Variants in FBXL13 observed in about 807,000 individuals in gnomAD.
FBXL13 encodes the protein F-box and leucine rich repeat protein 13.
Under a neutral mutation model 83.6 loss-of-function variants are expected in FBXL13, and 67 were observed. That is an observed-to-expected ratio of 0.80 (90% CI 0.66 to 0.98). FBXL13 has a LOEUF of 0.98. Ranked by LOEUF, FBXL13 falls within the 50% of genes least tolerant of loss-of-function variation. FBXL13 has a pLI of 0.00. For synonymous variants in FBXL13, 272 were observed against 299.5 expected (o/e 0.91, Z 0.95); for missense variants, 822 against 866.5 (o/e 0.95, Z 0.64).
At chr7:103,001,330 GC>G (rs1790383117) in intron 6 of FBXL13, among the ~76,000 whole-genome samples, 1 of 152,020 alleles carries the variant, frequency 6.6e-6, no homozygotes, top group Non-Finnish European at 1.5e-5. Context: ...TTTCTTGTAG[GC>G]AGTATATATC....
chr7:102,978,832 A>C (rs1173226683), intron 6 of FBXL13, among the ~76,000 whole-genome samples: 1 of 152,214 alleles, frequency 6.6e-6, no homozygotes, highest in Non-Finnish European at 1.5e-5. Flanking sequence ...AGCAATCCTA[A>C]CTATGCAAGC....
At chr7:102,913,090 G>A in exon 11 of FBXL13, 1 of 1,614,128 alleles carries the variant, frequency 6.2e-7, no homozygotes. Flanking sequence ...ACAAACCTGG[G>A]TGCAGCCAGA....
chr7:103,056,958 CTTT>C (rs1797398792), intron 1 of FBXL13, among the ~76,000 whole-genome samples: 1 of 151,800 alleles, frequency 6.6e-6, no homozygotes, highest in African/African-American at 2.4e-5. Context: ...TGTATATCTT[CTTT>C]TGAGGACTGT....
chr7:102,964,759 ATT>A (rs1825799007), intron 7 of FBXL13, among the ~76,000 whole-genome samples: 1 of 152,170 alleles, frequency 6.6e-6, no homozygotes, highest in Admixed American at 6.5e-5. Flanking sequence ...ACTTCTAAGA[ATT>A]TATTCTGCCG....
At chr7:102,979,715 G>A (rs1454888764) in intron 6 of FBXL13, among the ~76,000 whole-genome samples, 3 of 152,150 alleles carry the variant, frequency 2.0e-5, no homozygotes, top group Admixed American at 1.3e-4. Flanking sequence ...TTGCATGCCT[G>A]AAATATTTTA....
intron 1 of FBXL13, among the ~76,000 whole-genome samples, chr7:103,060,061 T>TATATACACATATATATATATACAC (rs1563286669): frequency 7.6e-4 from 91 of 119,120 alleles, no homozygotes; most frequent in African/African-American, 2.5e-3. Context: ...TATATATATA[T>TATATACACATATATATATATACAC]ATACTTTTTT....
chr7:102,939,539 G>A, intron 8 of FBXL13: 2 of 1,613,990 alleles, frequency 1.2e-6, no homozygotes, highest in East Asian at 4.5e-5. Flanking sequence ...TTCATGAGCT[G>A]AAGAAATTAA....
At chr7:102,996,702 A>G (rs930904352) in intron 6 of FBXL13, among the ~76,000 whole-genome samples, 1 of 152,220 alleles carries the variant, frequency 6.6e-6, no homozygotes, top group South Asian at 2.1e-4. Flanking sequence ...AAACAAATCA[A>G]CAAACATCTT....
intron 17 of FBXL13, among the ~76,000 whole-genome samples, chr7:102,851,309 G>A (rs1805178338): frequency 6.6e-6 from 1 of 151,998 alleles, no homozygotes; most frequent in Non-Finnish European, 1.5e-5. Flanking sequence ...AAAACTTCTG[G>A]GAAAGTCTAC....
At chr7:103,026,747 G>GT (rs1204588372) in intron 5 of FBXL13, among the ~76,000 whole-genome samples, 1 of 152,160 alleles carries the variant, frequency 6.6e-6, no homozygotes, top group Non-Finnish European at 1.5e-5. Context: ...ATTTAGGTGA[G>GT]TAGAGGCATT....
exon 8 of FBXL13, chr7:102,963,539 A>G: frequency 6.2e-7 from 1 of 1,611,398 alleles, no homozygotes; most frequent in Non-Finnish European, 8.5e-7. Flanking sequence ...TTACTGACAG[A>G]TCTGAAAGTT....
At chr7:103,072,540 C>T (rs10241815) in intron 1 of FBXL13, among the ~76,000 whole-genome samples, 1,901 of 152,176 alleles carry the variant, frequency 0.012, 41 homozygotes, top group African/African-American at 0.044. Flanking sequence ...TAGTAACTGG[C>T]GGCCTAGATG....
At chr7:102,941,303 G>T (rs912699994) in intron 8 of FBXL13, among the ~76,000 whole-genome samples, 13 of 152,136 alleles carry the variant, frequency 8.5e-5, no homozygotes, top group African/African-American at 2.9e-4. Context: ...TGTCCACAAA[G>T]CCAGGGTACA....
chr7:102,972,844 TC>T lies in FBXL13; in HGVS notation c.496-4728del, dbSNP rs1276174376. 5.3e-5 allele frequency among the ~76,000 whole-genome samples: 8 copies of T among 152,152 alleles called. No homozygotes were observed. The East Asian group carries it at 1.5e-3, about 29-fold the overall frequency. ...TGGTTAGAAGACAAAAATTTTTTAT[TC>T]CTAAAAATGCTTTTTGCTTTAATGT... is the stretch of plus-strand genomic sequence containing the variant. On this transcript the variant is annotated intron_variant, in intron 6 of 19. Transcript: ENST00000313221.
chr7:103,059,112 T>C (rs1038355073), intron 1 of FBXL13, among the ~76,000 whole-genome samples: 2 of 152,032 alleles, frequency 1.3e-5, no homozygotes, highest in African/African-American at 4.8e-5. Flanking sequence ...ACAAAAATTG[T>C]TTTAAAAATT....
At chr7:103,023,930 C>T (rs1163063341) in intron 6 of FBXL13, among the ~76,000 whole-genome samples, 1 of 151,968 alleles carries the variant, frequency 6.6e-6, no homozygotes, top group Non-Finnish European at 1.5e-5. Context: ...CTTCTGAGTA[C>T]ATATGGACAC....
chr7:102,829,500 C>G (rs1800283961), intron 18 of FBXL13, among the ~76,000 whole-genome samples: 1 of 152,156 alleles, frequency 6.6e-6, no homozygotes, highest in Admixed American at 6.5e-5. Flanking sequence ...TTTCCCACCC[C>G]CTTTTCTTTC....
intron 2 of FBXL13, among the ~76,000 whole-genome samples, chr7:103,029,932 A>G (rs1325568544): frequency 2.0e-5 from 3 of 152,178 alleles, no homozygotes; most frequent in Non-Finnish European, 2.9e-5. Flanking sequence ...ATCACTTACA[A>G]CTATTCACAA....
At chr7:103,055,810 C>T (rs545106570) in intron 1 of FBXL13, 63 bp from the exon 2 acceptor site, 24 of 675,564 alleles carry the variant, frequency 3.6e-5, no homozygotes, top group East Asian at 1.5e-4. Flanking sequence ...CTAAGCAGCA[C>T]GTAACTTTTT....
Sources: allele counts gnomAD v4.1 joint callset (sites outside exome capture counted in the v4.1 genomes callset), GRCh38; gene constraint gnomAD v4.1.1; transcripts MANE v1.5; gene names NCBI Gene and HGNC (gene_info 2026-07-23, HGNC 2026-07-21).